FTO: variants seen among roughly 807,000 people sequenced by gnomAD.
FTO encodes the protein alpha-ketoglutarate-dependent dioxygenase FTO.
In FTO, 47 loss-of-function variants were observed where a neutral mutation model predicts 63.9. That is an observed-to-expected ratio of 0.74 (90% CI 0.58 to 0.94). The LOEUF (loss-of-function observed/expected upper bound fraction) is 0.94. FTO is among the 40% of genes least tolerant of loss of function. FTO has a pLI of 0.00. For synonymous variants in FTO, 207 were observed against 224.4 expected (o/e 0.92, Z 0.69); for missense variants, 562 against 618.1 (o/e 0.91, Z 0.96).
rs577418434 is a variant in FTO, at chr16:53,931,273, A to G, written c.1240-2712A>G. On this transcript the variant is annotated intron_variant, in intron 7 of 8. Coordinates refer to ENST00000471389, the MANE Select transcript of FTO (RefSeq NM_001080432.3). ...CATTTTGGTAAAATAATATGTATCC[A>G]CAGATATAACCACAAACTATGTGAC... 4.2e-4 allele frequency among the ~76,000 whole-genome samples: 63 copies of G among 150,054 alleles called. No individual in the cohort carries two copies. The South Asian group carries it at 9.6e-3, about 23-fold the overall frequency.
chr16:53,830,904 C>T (rs2079126492), intron 3 of FTO, among the ~76,000 whole-genome samples: 1 of 151,920 alleles, frequency 6.6e-6, no homozygotes, highest in African/African-American at 2.4e-5. Context: ...TCAAAACAAA[C>T]AAAGAAACAA....
intron 8 of FTO, among the ~76,000 whole-genome samples, chr16:53,934,533 T>C (rs546140804): frequency 2.0e-5 from 3 of 152,276 alleles, no homozygotes; most frequent in Admixed American, 1.3e-4. Flanking sequence ...CATCCCTTAA[T>C]GATGGGGATA....
chr16:53,937,538 C>T (rs2082417902), intron 8 of FTO: 1 of 341,526 alleles, frequency 2.9e-6, no homozygotes, highest in Non-Finnish European at 5.2e-6. Flanking sequence ...CCAGGATAGG[C>T]TACTTTAGGG....
intron 1 of FTO, among the ~76,000 whole-genome samples, chr16:53,763,182 T>C (rs1333769031): frequency 1.3e-5 from 2 of 152,186 alleles, no homozygotes; most frequent in African/African-American, 4.8e-5. Context: ...TCTTACAGCA[T>C]AGAAAGGGGC....
At chr16:53,961,806 C>T (rs2083087411) in intron 8 of FTO, among the ~76,000 whole-genome samples, 1 of 152,218 alleles carries the variant, frequency 6.6e-6, no homozygotes, top group Non-Finnish European at 1.5e-5. Context: ...CTGGCTGATT[C>T]AGTGACAGAT....
intron 4 of FTO, among the ~76,000 whole-genome samples, chr16:53,868,371 A>G (rs1411866259): frequency 6.6e-6 from 1 of 151,990 alleles, no homozygotes; most frequent in African/African-American, 2.4e-5. Context: ...TTACTTTTTA[A>G]GTAGTGACCT....
chr16:54,030,964 A>G (rs1320304338), intron 8 of FTO, among the ~76,000 whole-genome samples: 4 of 152,224 alleles, frequency 2.6e-5, no homozygotes, highest in African/African-American at 7.2e-5. Flanking sequence ...GTATTATTCC[A>G]TAAGAATGCC....
At chr16:53,995,822 G>A (rs1212839171) in intron 8 of FTO, among the ~76,000 whole-genome samples, 2 of 152,162 alleles carry the variant, frequency 1.3e-5, no homozygotes, top group African/African-American at 2.4e-5. Context: ...GCCAGTCATC[G>A]AATTCCTGTT....
At chr16:54,027,016 A>G (rs2084728352) in intron 8 of FTO, among the ~76,000 whole-genome samples, 1 of 152,202 alleles carries the variant, frequency 6.6e-6, no homozygotes, top group Admixed American at 6.5e-5. Context: ...GAGGAAGTAG[A>G]TTTCCTTGAC....
chr16:53,977,786 T>C (rs1316951916), intron 8 of FTO, among the ~76,000 whole-genome samples: 4 of 152,224 alleles, frequency 2.6e-5, no homozygotes, highest in Non-Finnish European at 5.9e-5. Context: ...CTTTTCTTGC[T>C]CATCATTCTT....
intron 1 of FTO, among the ~76,000 whole-genome samples, chr16:53,797,255 T>C (rs1331826924): frequency 6.6e-6 from 1 of 152,234 alleles, no homozygotes; most frequent in Non-Finnish European, 1.5e-5. Flanking sequence ...TATCACCTAA[T>C]GTCCATAAGT....
At chr16:53,945,686 C>T (rs1696599714) in intron 8 of FTO, among the ~76,000 whole-genome samples, 1 of 152,154 alleles carries the variant, frequency 6.6e-6, no homozygotes, top group African/African-American at 2.4e-5. Flanking sequence ...AAAGTTATCA[C>T]CTTTATATGC....
intron 7 of FTO, among the ~76,000 whole-genome samples, chr16:53,905,021 A>G (rs1418449468): frequency 2.0e-5 from 3 of 152,062 alleles, no homozygotes; most frequent in Admixed American, 6.5e-5. Flanking sequence ...TAATAAAGAC[A>G]AGGACGAAAA....
At chr16:53,961,106 G>A (rs569169265) in intron 8 of FTO, among the ~76,000 whole-genome samples, 6 of 151,676 alleles carry the variant, frequency 4.0e-5, no homozygotes, top group East Asian at 1.9e-4. Context: ...CCAACCTGAC[G>A]CCAGTGTAAA....
intron 7 of FTO, among the ~76,000 whole-genome samples, chr16:53,929,528 A>G (rs193111399): frequency 1.5e-3 from 227 of 152,372 alleles, no homozygotes; most frequent in African/African-American, 5.2e-3. Context: ...TTGTTTGAAC[A>G]TAAGTTATCA....
chr16:53,801,588 T>G (rs1266310370), intron 1 of FTO, among the ~76,000 whole-genome samples: 1 of 152,158 alleles, frequency 6.6e-6, no homozygotes, highest in Non-Finnish European at 1.5e-5. Context: ...AGATCTTCCA[T>G]TATCAGTTCT....
At chr16:53,831,492 AT>A (rs1398705363) in intron 3 of FTO, among the ~76,000 whole-genome samples, 2 of 152,112 alleles carry the variant, frequency 1.3e-5, no homozygotes, top group Non-Finnish European at 2.9e-5. Context: ...ACAAAGTTAC[AT>A]TTTTTTCATG....
At chr16:54,100,800 G>A (rs1221626783) in intron 8 of FTO, among the ~76,000 whole-genome samples, 4 of 152,148 alleles carry the variant, frequency 2.6e-5, no homozygotes, top group Admixed American at 6.5e-5. Context: ...CTACAGGGGC[G>A]GTTTTGAGAG....
intron 1 of FTO, among the ~76,000 whole-genome samples, chr16:53,784,278 G>C (rs2077674319): frequency 6.6e-6 from 1 of 152,102 alleles, no homozygotes; most frequent in Non-Finnish European, 1.5e-5. Flanking sequence ...AAATCATGTA[G>C]ACAAATGAAA....
Sources: gnomAD v4.1 joint callset for allele counts (sites outside exome capture counted in the v4.1 genomes callset) on GRCh38, gnomAD v4.1.1 for gene constraint, MANE v1.5 for transcripts, NCBI Gene and HGNC (gene_info 2026-07-23, HGNC 2026-07-21) for gene names.